KMT2D: variants seen among roughly 807,000 people sequenced by gnomAD.
KMT2D encodes the protein histone-lysine N-methyltransferase 2D.
KMT2D carries 55 observed loss-of-function variants against 512.7 expected under a neutral mutation model. The ratio of observed to expected loss-of-function variants is 0.11; its 90% CI spans 0.09 to 0.13. KMT2D has a LOEUF of 0.13. Among genes scored for constraint, KMT2D ranks in the 10% least tolerant of loss-of-function variants. KMT2D has a pLI of 1.00. For synonymous variants in KMT2D, 2,995 were observed against 2,904.0 expected (o/e 1.03, Z -1.01); for missense variants, 6,061 against 7,127.9 (o/e 0.85, Z 5.39).
rs1391513181 is a variant in KMT2D, at chr12:49,040,411, T to C, written c.7359A>G (p.Pro2453=). The change falls in exon 32 of 55, where the codon CCA becomes CCG. Residue 2453 remains proline, a synonymous_variant. Coordinates refer to ENST00000301067, the MANE Select transcript of KMT2D (RefSeq NM_003482.4). ...RFQSPDPYSR[P]PSRPQSRDPF... ...GGTCACGGGACTGAGGGCGTGAGGG[T>C]GGGCGAGAATAAGGGTCAGGGGACT... is the stretch of plus-strand genomic sequence containing the variant. 6.4e-7 allele frequency: 1 copy of C among 1,560,314 alleles called. No homozygotes were observed. The highest frequency in any genetic ancestry group is 1.2e-5 in the South Asian group (1 of 82,540).
At position 49,033,066 on chromosome 12, in the gene KMT2D, A is replaced by T; in HGVS notation, c.11639T>A (p.Leu3880Gln). The change falls in exon 40 of 55, where the codon CTG becomes CAG. Residue 3880 changes from leucine (L) to glutamine (Q), a missense_variant. Coordinates refer to ENST00000301067, the MANE Select transcript of KMT2D (RefSeq NM_003482.4). ...TTTGGGCTGCCCACTGTGTGACATC[A>T]GACTCTGCTGAAGATGGGACAGCCC... is the stretch of plus-strand genomic sequence containing the variant. ...MAGLSHLQQS[L>Q]MSHSGQPKLS... 5 of 1,551,132 alleles carry T rather than the reference A, an allele frequency of 3.2e-6. No individual in the cohort carries two copies. The highest frequency in any genetic ancestry group is 4.4e-6 in the Non-Finnish European group (5 of 1,146,860).
rs1942361247 is a variant in KMT2D at position 49,022,173 on chromosome 12, G to C, written c.16413-22C>G. ...GTACCTGGGCAGTGGGACAGAGTCA[G>C]GGATGTCAGGCAACTAACTTGGGAC... On this transcript the variant is annotated intron_variant, in intron 53 of 54. Coordinates refer to ENST00000301067, the MANE Select transcript of KMT2D (RefSeq NM_003482.4). This position sits in a 1 kb window ranked among gnomAD's most constrained non-coding sequence, Gnocchi z 8.6. 1 of 1,609,896 alleles carries C rather than the reference G, an allele frequency of 6.2e-7. No homozygotes were observed. Among genetic ancestry groups the C allele is most frequent in the South Asian group, 1.1e-5 (1 of 91,024 alleles).
At position 49,044,309 on chromosome 12, in the gene KMT2D, G is replaced by C. The variant is rs775998846; in HGVS notation, c.5084-5C>G. On this transcript the variant is annotated splice_region_variant and splice_polypyrimidine_tract_variant and intron_variant, in intron 21 of 54. Transcript: ENST00000301067. The surrounding 1 kb of genome is among the most constrained non-coding windows in gnomAD (Gnocchi z 6.4). ...GCACCATGAAACCACCAATGCCTAT[G>C]AGGAGGCAGAGTTGTGGATGAGAAG... is the stretch of plus-strand genomic sequence containing the variant. 6.2e-7 allele frequency: 1 copy of C among 1,613,898 alleles called. No homozygotes were observed. The highest frequency in any genetic ancestry group is 1.7e-5 in the Admixed American group (1 of 60,026).
chr12:49,040,065 C>T lies in KMT2D; in HGVS notation c.7705G>A (p.Gly2569Ser), dbSNP rs201507971. Residue 2569 changes from glycine to serine, a missense_variant, in exon 32 of 55, where the codon GGC (glycine) becomes AGC (serine). Around this residue, in one of 16 missense-constraint regions of KMT2D, gnomAD observed 710 missense variants for 647.3 expected, o/e 1.10. Coordinates refer to ENST00000301067, the MANE Select transcript of KMT2D (RefSeq NM_003482.4). ...PHGINSHFGPGPTLGKPQSTN... is the reference protein window; with the variant it reads ...PHGINSHFGPSPTLGKPQSTN... ...CTTTGAGGCTTGCCCAAGGTGGGGC[C>T]GGGCCCAAAATGGCTGTTGATCCCA... is the stretch of plus-strand genomic sequence containing the variant. The T allele has an allele frequency of 4.6e-4, 744 of 1,613,918 alleles. 2 individuals carry two copies. The African/African-American group carries it at 8.6e-3, about 19-fold the overall frequency.
rs768425458 is a variant in KMT2D, at chr12:49,051,006, G to C, written c.2677C>G (p.Pro893Ala). The change falls in exon 11 of 55, where the codon CCC becomes GCC. Residue 893 changes from proline to alanine, a missense_variant. Physicochemically the swap from Pro to Ala is conservative, Grantham distance 27. Around this residue, in one of 16 missense-constraint regions of KMT2D, gnomAD observed 848 missense variants for 838.5 expected, o/e 1.01. Transcript: ENST00000301067. ...FPPPGEPSLS[P>A]LLGEPALSEP... ...GACAGGGCTGGCTCTCCAAGCAAGGGAGATAAGGATGGTTCCCCAGGGGGA... is the reference window on the plus strand; with the variant it reads ...GACAGGGCTGGCTCTCCAAGCAAGGCAGATAAGGATGGTTCCCCAGGGGGA... 6.4e-7 allele frequency: 1 copy of C among 1,570,958 alleles called. No individual in the cohort carries two copies. Among genetic ancestry groups the C allele is most frequent in the Non-Finnish European group, 8.6e-7 (1 of 1,159,228 alleles).
At chr12:49,025,457 C>T (rs56830737) in intron 49 of KMT2D, among the ~76,000 whole-genome samples, 4,618 of 152,312 alleles carry the variant, frequency 0.03, 233 homozygotes, top group African/African-American at 0.11. Context: ...AGTACAGTTA[C>T]ATGCTGTACA....
At position 49,029,169 on chromosome 12, in the gene KMT2D, A is replaced by T. The variant is rs1477824854; in HGVS notation, c.14143T>A (p.Leu4715Met). 3 of 1,613,886 alleles carry T rather than the reference A, an allele frequency of 1.9e-6. No individual in the cohort carries two copies. Among genetic ancestry groups the T allele is most frequent in the Non-Finnish European group, 2.5e-6 (3 of 1,179,802 alleles). ...IVPASSPESI[L>M]GEEAPRFPHL... is the part of the protein sequence containing the mutation. ...GGGAAACGAGGGGCCTCCTCCCCCAAGATGCTCTCAGGGGATGAAGCTGGC... is the reference window on the plus strand; with the variant it reads ...GGGAAACGAGGGGCCTCCTCCCCCATGATGCTCTCAGGGGATGAAGCTGGC... The change falls in exon 45 of 55, where the codon TTG (leucine) becomes ATG (methionine). Residue 4715 changes from leucine (L) to methionine (M), a missense_variant. Physicochemically the swap from Leu to Met is conservative, Grantham distance 15. Around this residue, in one of 16 missense-constraint regions of KMT2D, gnomAD observed 1,600 missense variants for 1,754.9 expected, o/e 0.91. Transcript: ENST00000301067.
chr12:49,029,702 G>T (rs1942806539), intron 43 of KMT2D, among the ~76,000 whole-genome samples: 1 of 145,728 alleles, frequency 6.9e-6, no homozygotes, highest in Non-Finnish European at 1.5e-5. Flanking sequence ...TTCCCGTAGA[G>T]ATGGGGTCTT....
chr12:49,039,534 A>C lies in KMT2D; in HGVS notation c.8130T>G (p.Ala2710=), dbSNP rs1943385779. 1.2e-6 allele frequency: 2 copies of C among 1,611,922 alleles called. No homozygotes were observed. The highest frequency in any genetic ancestry group is 1.7e-6 in the Non-Finnish European group (2 of 1,179,430). The part of the protein sequence containing the change: ...LRQEKETAAA[A]AGAVGPPGSW... The stretch of plus-strand genomic sequence containing the variant: ...TGCCTGGAGGCCCCACTGCTCCTGC[A>C]GCTGCTGCAGCTGTTTCCTTCTCCT... Residue 2710 remains alanine, a synonymous_variant, in exon 33 of 55, where the codon GCT becomes GCG. Transcript: ENST00000301067. This position sits in a 1 kb window ranked among gnomAD's most constrained non-coding sequence, Gnocchi z 5.0.
chr12:49,033,768 C>T lies in KMT2D; in HGVS notation c.10937G>A (p.Gly3646Glu). ...ACCTCCGGCTTGCCCACCCGGAGGC[C>T]CCTGTGGTGGCTGCAGCCCATGGCC... is the stretch of plus-strand genomic sequence containing the variant. Reference protein sequence around the residue: ...LPGHGLQPPQGPPGGQAGGLR... With the variant: ...LPGHGLQPPQEPPGGQAGGLR... Residue 3646 changes from glycine to glutamate, a missense_variant, in exon 40 of 55, where the codon GGG becomes GAG. Gly to Glu is a moderately conservative substitution (Grantham distance 98). Coordinates refer to ENST00000301067, the MANE Select transcript of KMT2D (RefSeq NM_003482.4). 1 of 1,610,012 alleles carries T rather than the reference C, an allele frequency of 6.2e-7. No individual in the cohort carries two copies. Among genetic ancestry groups the T allele is most frequent in the Non-Finnish European group, 8.5e-7 (1 of 1,178,350 alleles).
rs370146842 is a variant in KMT2D, at chr12:49,043,339, C to G, written c.5533+24G>C. ...AGAGGCAAGCAAGGCCAAGACAGGA[C>G]ACAGTAACCCCGGCAGCCCTCACCT... is the stretch of plus-strand genomic sequence containing the variant. On this transcript the variant is annotated intron_variant, in intron 25 of 54. Coordinates refer to ENST00000301067, the MANE Select transcript of KMT2D (RefSeq NM_003482.4). 4 of 1,612,636 alleles carry G rather than the reference C, an allele frequency of 2.5e-6. No homozygotes were observed. The African/African-American group carries it at 5.3e-5, about 22-fold the overall frequency.
chr12:49,031,833 G>A lies in KMT2D; in HGVS notation c.12872C>T (p.Ala4291Val), dbSNP rs1267264428. The A allele has an allele frequency of 1.9e-6, 3 of 1,557,578 alleles. No individual in the cohort carries two copies. The highest frequency in any genetic ancestry group is 1.9e-5 in the Admixed American group (1 of 52,726). ...PRPQGPPRLP[A>V]PPGALSTGPV... ...TCCTGTAGATAAGGCTCCTGGTGGG[G>A]CAGGGAGCCGGGGTGGGCCCTGAGG... The change falls in exon 40 of 55, where the codon GCC becomes GTC. Residue 4291 changes from alanine to valine, a missense_variant. This residue lies in a region of KMT2D where 1,600 missense variants were observed against 1,754.9 expected (regional missense o/e 0.91). Coordinates refer to ENST00000301067, the MANE Select transcript of KMT2D (RefSeq NM_003482.4).
At chr12:49,059,291 G>A (rs1012096536) in intron 1 of KMT2D, among the ~76,000 whole-genome samples, 2 of 152,104 alleles carry the variant, frequency 1.3e-5, no homozygotes, top group Admixed American at 1.3e-4. Flanking sequence ...TGGGATTGGT[G>A]CTGGCATCAG....
rs2120682623 is a variant in KMT2D, at chr12:49,052,188, C to G, written c.1495G>C (p.Glu499Gln). Residue 499 changes from glutamate (E) to glutamine (Q), a missense_variant, in exon 11 of 55, where the codon GAG becomes CAG. Glu to Gln is a conservative substitution (Grantham distance 29). Transcript: ENST00000301067. ...GGTGGGGGAGACAGAGGAGACTCCT[C>G]AGGCGGCGGAGAGAGGGGCGATTCC... ...LEESPLSPPP[E>Q]ESPLSPPPES... 6.2e-7 allele frequency: 1 copy of G among 1,613,542 alleles called. No homozygotes were observed. The highest frequency in any genetic ancestry group is 8.5e-7 in the Non-Finnish European group (1 of 1,179,732).
Position 49,030,787 on chromosome 12 carries a change from C to CA in KMT2D, c.13672-20dup, listed in dbSNP as rs1704685185. ...ACAGCTCCTACAAGGGGCAAGATGA[C>CA]AAAGTTCAAAACCTGCAGCGTTTGC... On this transcript the variant is annotated intron_variant, in intron 41 of 54. Coordinates refer to ENST00000301067, the MANE Select transcript of KMT2D (RefSeq NM_003482.4). 6.2e-7 allele frequency: 1 copy of CA among 1,613,114 alleles called. No homozygotes were observed. The highest frequency in any genetic ancestry group is 1.3e-5 in the African/African-American group (1 of 74,918).
rs2120579954 is a variant in KMT2D, at chr12:49,044,230, C to T, written c.5158G>A (p.Val1720Met). Residue 1720 changes from valine to methionine, a missense_variant, in exon 22 of 55, where the codon GTG (valine) becomes ATG (methionine). By Grantham distance (21) the Val-to-Met change is conservative. Coordinates refer to ENST00000301067, the MANE Select transcript of KMT2D (RefSeq NM_003482.4). This position sits in a 1 kb window ranked among gnomAD's most constrained non-coding sequence, Gnocchi z 6.4. ...TKKGPAAQAE[V>M]LSGDGQPDEV... is the part of the protein sequence containing the mutation. ...TCGGGCTGCCCATCCCCACTCAACA[C>T]CTCCGCCTGTGCAGCAGGCCCCTTT... 6.2e-7 allele frequency: 1 copy of T among 1,612,238 alleles called. No homozygotes were observed. The highest frequency in any genetic ancestry group is 8.5e-7 in the Non-Finnish European group (1 of 1,179,810).
rs758018148 is a variant in KMT2D at position 49,031,761 on chromosome 12, T to C, written c.12944A>G (p.Gln4315Arg). ...VHPTPPPSSP[Q>R]EPKRPSQLPS... ...TAATTGTGAAGGTCTCTTTGGCTCT[T>C]GAGGGCTGGATGGTGGAGGTGTGGG... Residue 4315 changes from glutamine (Q) to arginine (R), a missense_variant, in exon 40 of 55, where the codon CAA becomes CGA. By Grantham distance (43) the Gln-to-Arg change is conservative. Coordinates refer to ENST00000301067, the MANE Select transcript of KMT2D (RefSeq NM_003482.4). 114 of 1,612,386 alleles carry C rather than the reference T, an allele frequency of 7.1e-5. No individual in the cohort carries two copies. The South Asian group carries it at 1.2e-3, about 17-fold the overall frequency.
intron 14 of KMT2D, 116 bp downstream of exon 14, chr12:49,048,543 T>C: frequency 2.9e-6 from 2 of 678,282 alleles, no homozygotes; most frequent in East Asian, 2.5e-5. Flanking sequence ...TTAGAATTCA[T>C]GGTCTGTTTT....
Position 49,043,102 on chromosome 12 carries a change from G to C in KMT2D, c.5618C>G (p.Ser1873Cys), listed in dbSNP as rs1296651659. The C allele has an allele frequency of 6.2e-7, 1 of 1,613,934 alleles. No homozygotes were observed. The change falls in exon 26 of 55, where the codon TCT becomes TGT. Residue 1873 changes from serine (S) to cysteine (C), a missense_variant. Around this residue, in one of 16 missense-constraint regions of KMT2D, gnomAD observed 640 missense variants for 814.3 expected, o/e 0.79. Transcript: ENST00000301067. ...TTCTGTGGAAATCCTGTCTAAGTCAGAGCTAAGCATCCCTTCACCTGGGGT... is the reference window on the plus strand; with the variant it reads ...TTCTGTGGAAATCCTGTCTAAGTCACAGCTAAGCATCCCTTCACCTGGGGT... ...PGTPGEGMLS[S>C]DLDRISTEEL...
Sources: allele counts gnomAD v4.1 joint callset (sites outside exome capture counted in the v4.1 genomes callset), GRCh38; gene constraint gnomAD v4.1.1; regional missense constraint gnomAD v4.1.1; non-coding constraint Gnocchi (gnomAD v3.1); transcripts MANE v1.5; gene names NCBI Gene and HGNC (gene_info 2026-07-23, HGNC 2026-07-21).